YEATS4: variants seen among roughly 807,000 people sequenced by gnomAD.
The protein encoded by YEATS4 is YEATS domain containing 4, also known as YEATS domain-containing protein 4.
A neutral mutation model predicts 30.1 loss-of-function variants in YEATS4; 17 were observed. The ratio of observed to expected loss-of-function variants is 0.56; its 90% CI spans 0.39 to 0.85. The LOEUF is 0.85. YEATS4 is among the 40% of genes least tolerant of loss of function. The pLI is 0.00. For missense variants in YEATS4, 142 were observed against 268.3 expected (o/e 0.53, Z 3.29); for synonymous variants, 85 against 87.5 (o/e 0.97, Z 0.16).
intron 6 of YEATS4, among the ~76,000 whole-genome samples, chr12:69,388,942 A>T (rs1415270545): frequency 6.6e-6 from 1 of 152,190 alleles, no homozygotes. Flanking sequence ...AGCCTGGGTG[A>T]CAGAGTAAGA....
At chr12:69,419,928 T>A in the YEATS4 span, among the ~76,000 whole-genome samples, 1 of 152,088 alleles carries the variant, frequency 6.6e-6, no homozygotes. Context: ...TGATGTTAGG[T>A]AGGTGTCAAA....
intron 1 of YEATS4, chr12:69,361,568 G>A (rs1463424864): frequency 6.6e-6 from 1 of 152,424 alleles, no homozygotes; most frequent in Non-Finnish European, 1.5e-5. Context: ...TGGGATTACA[G>A]GCGTGAGCCA....
At chr12:69,382,199 C>T (rs913954897) in intron 6 of YEATS4, among the ~76,000 whole-genome samples, 1 of 152,202 alleles carries the variant, frequency 6.6e-6, no homozygotes, top group Non-Finnish European at 1.5e-5. Flanking sequence ...ATGCGATGTT[C>T]GAGACTCACC....
chr12:69,407,166 G>C, the YEATS4 span, among the ~76,000 whole-genome samples: 1 of 147,636 alleles, frequency 6.8e-6, no homozygotes, highest in Non-Finnish European at 1.5e-5. Context: ...CTAGAATCAA[G>C]AATGATTGAG....
At chr12:69,414,928 A>G in the YEATS4 span, among the ~76,000 whole-genome samples, 3,147 of 152,336 alleles carry the variant, frequency 0.021, 95 homozygotes, top group African/African-American at 0.07. Context: ...TGGGATATCA[A>G]TAATTTGGCA....
intron 4 of YEATS4, among the ~76,000 whole-genome samples, chr12:69,370,405 T>G (rs995482797): frequency 1.3e-5 from 2 of 152,232 alleles, no homozygotes; most frequent in Admixed American, 6.5e-5. Flanking sequence ...TTTAGTGATT[T>G]CTCAGTTTAA....
At chr12:69,368,724 C>T (rs957477155) in intron 4 of YEATS4, among the ~76,000 whole-genome samples, 1 of 152,194 alleles carries the variant, frequency 6.6e-6, no homozygotes, top group African/African-American at 2.4e-5. Flanking sequence ...TCTTTCCTTG[C>T]CTCTTCCAGC....
At chr12:69,387,905 A>T (rs1868270307) in intron 6 of YEATS4, among the ~76,000 whole-genome samples, 1 of 152,222 alleles carries the variant, frequency 6.6e-6, no homozygotes, top group Non-Finnish European at 1.5e-5. Flanking sequence ...TCTTGTGTGT[A>T]CTACCTATGT....
downstream of YEATS4, among the ~76,000 whole-genome samples, chr12:69,390,959 T>G (rs950559479): frequency 3.3e-5 from 5 of 152,238 alleles, no homozygotes; most frequent in Non-Finnish European, 7.3e-5. Context: ...AGTTTTGTTC[T>G]GCCTATATCA....
chr12:69,373,014 T>C lies in YEATS4; in HGVS notation c.514+2039T>C, dbSNP rs562123200. Reference sequence around the variant, plus strand: ...AGTACTCTCTTGTGTATATGTACCATATTTTCTTTATCCATTCATCTGTTG... The same window carrying C: ...AGTACTCTCTTGTGTATATGTACCACATTTTCTTTATCCATTCATCTGTTG... On this transcript the variant is annotated intron_variant, in intron 6 of 6. Coordinates refer to ENST00000247843, the MANE Select transcript of YEATS4 (RefSeq NM_006530.4). Among the ~76,000 whole-genome samples the C allele has an allele frequency of 6.6e-5, 10 of 152,352 alleles. No homozygotes were observed. The East Asian group carries it at 1.3e-3, about 21-fold the overall frequency.
chr12:69,359,989 C>G lies in YEATS4; in HGVS notation c.17C>G (p.Ala6Gly). 6.2e-7 allele frequency: 1 copy of G among 1,613,666 alleles called. No individual in the cohort carries two copies. The highest frequency in any genetic ancestry group is 8.5e-7 in the Non-Finnish European group (1 of 1,179,790). MFKRM[A>G]EFGPDSGGRV... is the part of the protein sequence containing the mutation. ...TGGGACAATATGTTCAAGAGAATGG[C>G]CGAATTTGGGCCTGACTCCGGCGGG... is the stretch of plus-strand genomic sequence containing the variant. Residue 6 changes from alanine (A) to glycine (G), a missense_variant, in exon 1 of 7, where the codon GCC (alanine) becomes GGC (glycine). By Grantham distance (60) the Ala-to-Gly change is moderately conservative. This residue lies in a region of YEATS4 where 25 missense variants were observed against 35.7 expected (regional missense o/e 0.70). Transcript: ENST00000247843.
chr12:69,376,473 A>G (rs1450801209), intron 6 of YEATS4, among the ~76,000 whole-genome samples: 3 of 152,374 alleles, frequency 2.0e-5, no homozygotes, highest in Non-Finnish European at 4.4e-5. Context: ...AAATGATCAT[A>G]TGGTTTTTGT....
chr12:69,399,568 G>A, the YEATS4 span, among the ~76,000 whole-genome samples: 4 of 152,178 alleles, frequency 2.6e-5, no homozygotes, highest in African/African-American at 4.8e-5. Context: ...TGCAACTGCT[G>A]TAGAAAAAGT....
chr12:69,364,739 C>A (rs1875362446), intron 2 of YEATS4, among the ~76,000 whole-genome samples: 2 of 152,120 alleles, frequency 1.3e-5, no homozygotes, highest in African/African-American at 4.8e-5. Flanking sequence ...CCTGCCTCAG[C>A]CTCCTGAGTA....
downstream of YEATS4, among the ~76,000 whole-genome samples, chr12:69,390,999 A>T (rs185488634): frequency 1.4e-3 from 208 of 152,358 alleles, 2 homozygotes; most frequent in Admixed American, 0.013. Context: ...ATACAAATAT[A>T]TTAATTCTTA....
At chr12:69,398,521 A>G in the YEATS4 span, among the ~76,000 whole-genome samples, 5 of 152,332 alleles carry the variant, frequency 3.3e-5, no homozygotes, top group Admixed American at 3.3e-4. Context: ...CAAATAAAAA[A>G]TAGACAAATT....
chr12:69,399,005 G>A, the YEATS4 span, among the ~76,000 whole-genome samples: 1 of 151,824 alleles, frequency 6.6e-6, no homozygotes, highest in Non-Finnish European at 1.5e-5. Flanking sequence ...AAATTAGCTG[G>A]GCATGGTGGC....
chr12:69,386,501 C>T (rs1206310107), intron 6 of YEATS4, among the ~76,000 whole-genome samples: 2 of 152,202 alleles, frequency 1.3e-5, no homozygotes, highest in African/African-American at 4.8e-5. Context: ...CTCACCCTTT[C>T]TACTTGATTT....
the YEATS4 span, among the ~76,000 whole-genome samples, chr12:69,407,702 C>CTTTTTTTTTT: frequency 1.9e-4 from 12 of 62,638 alleles, no homozygotes; most frequent in East Asian, 1.0e-3. Flanking sequence ...TACTTTTTGT[C>CTTTTTTTTTT]TTTTTTTTTT....
Sources: allele counts gnomAD v4.1 joint callset (sites outside exome capture counted in the v4.1 genomes callset), GRCh38; gene constraint gnomAD v4.1.1; regional missense constraint gnomAD v4.1.1; transcripts MANE v1.5; gene names NCBI Gene and HGNC (gene_info 2026-07-23, HGNC 2026-07-21).